Variants in PXDNL observed in about 807,000 individuals in gnomAD.
PXDNL encodes probable oxidoreductase PXDNL.
Under a neutral mutation model 150.8 loss-of-function variants are expected in PXDNL, and 145 were observed. The ratio of observed to expected loss-of-function variants is 0.96; its 90% CI spans 0.84 to 1.10. The LOEUF (loss-of-function observed/expected upper bound fraction) is 1.10. Ranked by LOEUF, PXDNL falls within the 50% of genes least tolerant of loss-of-function variation. The pLI, the probability that PXDNL is intolerant of heterozygous loss-of-function variation, is 0.00. For missense variants in PXDNL, 2,087 were observed against 1,873.9 expected (o/e 1.11, Z -2.10); for synonymous variants, 757 against 725.7 (o/e 1.04, Z -0.69).
chr8:51,730,422 A>T (rs1207643389), intron 1 of PXDNL, among the ~76,000 whole-genome samples: 1 of 152,196 alleles, frequency 6.6e-6, no homozygotes, highest in Non-Finnish European at 1.5e-5. Flanking sequence ...TCTGGGTGTC[A>T]TCAAACTATA....
chr8:51,381,633 TA>T (rs1264005777), intron 17 of PXDNL, among the ~76,000 whole-genome samples: 7 of 24,764 alleles, frequency 2.8e-4, no homozygotes, highest in African/African-American at 4.5e-4. Context: ...TTTATTTATT[TA>T]TTTATTTATT....
chr8:51,592,573 G>A, intron 3 of PXDNL, 54 bp downstream of exon 3: 2 of 1,200,516 alleles, frequency 1.7e-6, no homozygotes. Flanking sequence ...CACAAAAAAG[G>A]CAAAAATAGT....
At chr8:51,769,942 G>A (rs1056593644) in intron 1 of PXDNL, among the ~76,000 whole-genome samples, 1 of 152,156 alleles carries the variant, frequency 6.6e-6, no homozygotes, top group Admixed American at 6.6e-5. Flanking sequence ...AATGTCCAAT[G>A]GGTGACTTTT....
intron 1 of PXDNL, among the ~76,000 whole-genome samples, chr8:51,702,189 T>C (rs1816271105): frequency 6.6e-6 from 1 of 152,226 alleles, no homozygotes; most frequent in African/African-American, 2.4e-5. Flanking sequence ...CCTGTTATTT[T>C]ATCCATTTGT....
At chr8:51,467,860 T>C (rs1810236502) in intron 8 of PXDNL, among the ~76,000 whole-genome samples, 1 of 152,084 alleles carries the variant, frequency 6.6e-6, no homozygotes. Flanking sequence ...TAATTATTCT[T>C]CCTTCAGCCT....
intron 4 of PXDNL, among the ~76,000 whole-genome samples, chr8:51,553,668 T>C (rs1317161791): frequency 3.3e-5 from 5 of 151,372 alleles, no homozygotes; most frequent in South Asian, 4.2e-4. Context: ...ATGAACTCTA[T>C]CAACAAATGT....
rs143779250 is a variant in PXDNL at position 51,611,173 on chromosome 8, T to A, written c.237-18475A>T. 9.3e-4 allele frequency among the ~76,000 whole-genome samples: 141 copies of A among 152,178 alleles called. 1 individual carries two copies. The highest frequency in any genetic ancestry group is 3.4e-3 in the African/African-American group (139 of 41,446). ...TTATTTGTATATCCAAGCAAAATAT[T>A]ATTATTATTTTAATTAGCATGCCAT... On this transcript the variant is annotated intron_variant, in intron 2 of 22. Coordinates refer to ENST00000356297, the MANE Select transcript of PXDNL (RefSeq NM_144651.5).
chr8:51,808,476 A>G (rs2129267721), intron 1 of PXDNL, among the ~76,000 whole-genome samples: 1 of 152,318 alleles, frequency 6.6e-6, no homozygotes, highest in African/African-American at 2.4e-5. Flanking sequence ...TAATCTAAAT[A>G]AATCTAAATG....
intron 1 of PXDNL, among the ~76,000 whole-genome samples, chr8:51,670,872 T>C (rs1448996289): frequency 6.6e-6 from 1 of 152,198 alleles, no homozygotes; most frequent in Non-Finnish European, 1.5e-5. Context: ...TGTATAAAAT[T>C]ATAAAATCAC....
intron 12 of PXDNL, among the ~76,000 whole-genome samples, chr8:51,432,787 T>C (rs749280159): frequency 2.6e-5 from 4 of 152,234 alleles, no homozygotes; most frequent in Non-Finnish European, 4.4e-5. Flanking sequence ...AATCCTATTA[T>C]ATACAAATAA....
chr8:51,581,060 G>A (rs1225970808), intron 3 of PXDNL, among the ~76,000 whole-genome samples: 1 of 152,152 alleles, frequency 6.6e-6, no homozygotes, highest in African/African-American at 2.4e-5. Flanking sequence ...CTGATTAGGA[G>A]AACTGGTCTT....
chr8:51,348,019 T>C (rs948249045), intron 19 of PXDNL, among the ~76,000 whole-genome samples: 2 of 152,102 alleles, frequency 1.3e-5, no homozygotes, highest in African/African-American at 4.8e-5. Context: ...TGTCAATAAA[T>C]ATTTATGGAG....
intron 5 of PXDNL, among the ~76,000 whole-genome samples, chr8:51,491,727 C>A (rs1337734540): frequency 6.6e-6 from 1 of 152,174 alleles, no homozygotes; most frequent in Non-Finnish European, 1.5e-5. Flanking sequence ...TTATTGGCTA[C>A]ACGACAAAAA....
intron 14 of PXDNL, among the ~76,000 whole-genome samples, chr8:51,416,852 A>G (rs949198433): frequency 2.6e-5 from 4 of 152,262 alleles, no homozygotes; most frequent in African/African-American, 9.6e-5. Flanking sequence ...TTAAAAGCAC[A>G]TTAAATACGT....
intron 21 of PXDNL, among the ~76,000 whole-genome samples, chr8:51,338,220 T>C (rs1420368930): frequency 1.3e-5 from 2 of 149,940 alleles, no homozygotes; most frequent in Non-Finnish European, 3.0e-5. Context: ...AAGATTCAGA[T>C]TGGACAAGTG....
chr8:51,790,689 G>A (rs547199471), intron 1 of PXDNL, among the ~76,000 whole-genome samples: 30 of 135,936 alleles, frequency 2.2e-4, no homozygotes, highest in African/African-American at 7.2e-4. Context: ...GCCTGGAGGC[G>A]GCGGAGGGCA....
At chr8:51,767,538 G>C (rs1317412543) in intron 1 of PXDNL, among the ~76,000 whole-genome samples, 8 of 152,006 alleles carry the variant, frequency 5.3e-5, no homozygotes. Flanking sequence ...CTTTGTTCAG[G>C]GGCTGTATAT....
At chr8:51,728,762 G>A (rs1816866102) in intron 1 of PXDNL, among the ~76,000 whole-genome samples, 1 of 152,112 alleles carries the variant, frequency 6.6e-6, no homozygotes, top group African/African-American at 2.4e-5. Context: ...AGTAGGCTTA[G>A]TTTAATTATT....
At chr8:51,623,628 C>T (rs1453599740) in intron 2 of PXDNL, among the ~76,000 whole-genome samples, 1 of 152,212 alleles carries the variant, frequency 6.6e-6, no homozygotes, top group African/African-American at 2.4e-5. Context: ...CCCAGCAGAC[C>T]CGTGGGCACG....
Sources: allele counts gnomAD v4.1 joint callset (sites outside exome capture counted in the v4.1 genomes callset), GRCh38; gene constraint gnomAD v4.1.1; transcripts MANE v1.5; gene names NCBI Gene and HGNC (gene_info 2026-07-23, HGNC 2026-07-21).